Variants in MAP2K1 observed in about 807,000 individuals in gnomAD.
MAP2K1 encodes mitogen-activated protein kinase kinase 1.
In MAP2K1, 16 loss-of-function variants were observed where a neutral mutation model predicts 46.3. The ratio of observed to expected loss-of-function variants is 0.35; its 90% CI spans 0.23 to 0.52. The LOEUF is 0.52. MAP2K1 is among the 20% of genes least tolerant of loss of function. The pLI, the probability that MAP2K1 is intolerant of heterozygous loss-of-function variation, is 0.94. For synonymous variants in MAP2K1, 183 were observed against 185.6 expected (o/e 0.99, Z 0.11); for missense variants, 263 against 497.1 (o/e 0.53, Z 4.48).
At chr15:66,447,650 C>T (rs897775616) in intron 5 of MAP2K1, among the ~76,000 whole-genome samples, 2 of 144,902 alleles carry the variant, frequency 1.4e-5, no homozygotes, top group African/African-American at 5.2e-5. Flanking sequence ...GAGATCATGC[C>T]ATTGCACTCT....
At chr15:66,433,054 G>C (rs1220610951) in intron 1 of MAP2K1, among the ~76,000 whole-genome samples, 1 of 151,408 alleles carries the variant, frequency 6.6e-6, no homozygotes, top group Non-Finnish European at 1.5e-5. Context: ...CTGTCAGGCA[G>C]CTGTAACCTC....
chr15:66,438,678 C>G (rs571385044), intron 3 of MAP2K1, among the ~76,000 whole-genome samples: 5 of 152,252 alleles, frequency 3.3e-5, no homozygotes, highest in Admixed American at 2.0e-4. Flanking sequence ...GGATTTGGCT[C>G]TCTGGAAATA....
intron 1 of MAP2K1, 32 bp downstream of exon 1, chr15:66,387,459 C>T (rs1406615903): frequency 1.5e-5 from 23 of 1,547,408 alleles, no homozygotes; most frequent in Non-Finnish European, 1.9e-5. Flanking sequence ...AACCTCGGGG[C>T]CCGGCTGGGG....
chr15:66,396,279 G>A (rs763937987), intron 1 of MAP2K1, among the ~76,000 whole-genome samples: 30 of 151,524 alleles, frequency 2.0e-4, no homozygotes, highest in Non-Finnish European at 3.2e-4. Flanking sequence ...CACCGTGCCC[G>A]GCCCTTTTGT....
intron 1 of MAP2K1, among the ~76,000 whole-genome samples, chr15:66,431,785 G>C (rs1394629314): frequency 6.6e-6 from 1 of 152,182 alleles, no homozygotes; most frequent in Non-Finnish European, 1.5e-5. Context: ...TTTCTGCACA[G>C]ATCATCCCAT....
chr15:66,483,279 C>CAGCCA (rs1892956354), intron 6 of MAP2K1, among the ~76,000 whole-genome samples: 1 of 152,204 alleles, frequency 6.6e-6, no homozygotes, highest in Non-Finnish European at 1.5e-5. Context: ...ACATCACTCA[C>CAGCCA]CTGGCACTGA....
chr15:66,390,075 A>G (rs911429344), intron 1 of MAP2K1, among the ~76,000 whole-genome samples: 2 of 152,202 alleles, frequency 1.3e-5, no homozygotes, highest in African/African-American at 4.8e-5. Flanking sequence ...ATTTTCATTC[A>G]TGGTGGTAGA....
chr15:66,452,875 G>A (rs543399960), intron 5 of MAP2K1, among the ~76,000 whole-genome samples: 2 of 152,274 alleles, frequency 1.3e-5, no homozygotes, highest in East Asian at 1.9e-4. Flanking sequence ...TAGTTCTTAT[G>A]TTTGTCTCTC....
At chr15:66,414,438 A>G (rs898626332) in intron 1 of MAP2K1, among the ~76,000 whole-genome samples, 7 of 152,210 alleles carry the variant, frequency 4.6e-5, no homozygotes, top group Non-Finnish European at 1.0e-4. Flanking sequence ...AGGAGCAGCC[A>G]AAAGAAGAGG....
intron 3 of MAP2K1, among the ~76,000 whole-genome samples, chr15:66,439,766 CA>C (rs1222119158): frequency 8.3e-5 from 12 of 144,996 alleles, no homozygotes; most frequent in African/African-American, 1.5e-4. Flanking sequence ...AACTCAGTCT[CA>C]AAAAAAAAAA....
chr15:66,484,780 T>C (rs954984251), intron 6 of MAP2K1, among the ~76,000 whole-genome samples: 3 of 151,958 alleles, frequency 2.0e-5, no homozygotes, highest in Non-Finnish European at 4.4e-5. Flanking sequence ...ATAGGAGAAA[T>C]AGAGCAGGGA....
At chr15:66,487,067 C>G (rs1027619449) in intron 7 of MAP2K1, among the ~76,000 whole-genome samples, 161 bp from the exon 8 acceptor site, 1 of 152,148 alleles carries the variant, frequency 6.6e-6, no homozygotes, top group Non-Finnish European at 1.5e-5. Context: ...TGTACCCTGG[C>G]CTTTGCTGGT....
At chr15:66,428,842 C>T (rs377132833) in intron 1 of MAP2K1, among the ~76,000 whole-genome samples, 4 of 132,884 alleles carry the variant, frequency 3.0e-5, no homozygotes, top group Admixed American at 8.7e-5. Flanking sequence ...TGCAGTGACG[C>T]GATCTTGGCT....
At chr15:66,476,528 C>A (rs1251226276) in intron 5 of MAP2K1, among the ~76,000 whole-genome samples, 1 of 152,182 alleles carries the variant, frequency 6.6e-6, no homozygotes, top group Non-Finnish European at 1.5e-5. Context: ...AGGACCAGCA[C>A]AAGAGAAGGC....
At chr15:66,461,476 CTAAATAAATAAATAAATAAATAAA>C (rs10641341) in intron 5 of MAP2K1, among the ~76,000 whole-genome samples, 5 of 140,136 alleles carry the variant, frequency 3.6e-5, no homozygotes, top group African/African-American at 5.3e-5. Context: ...GACTCTGTCT[CTAAATAAATAAATAAATAAATAAA>C]TAAATAAATA....
At chr15:66,427,365 C>T (rs2093461852) in intron 1 of MAP2K1, among the ~76,000 whole-genome samples, 1 of 152,002 alleles carries the variant, frequency 6.6e-6, no homozygotes, top group Non-Finnish European at 1.5e-5. Context: ...CGAGACCATC[C>T]TGGCCAACAC....
Position 66,435,021 on chromosome 15 carries a change from G to C in MAP2K1, c.81-6G>C, listed in dbSNP as rs769256882. On this transcript the variant is annotated splice_polypyrimidine_tract_variant and splice_region_variant and intron_variant, in intron 1 of 10. Transcript: ENST00000307102. ...GTATTGACTTGTGCTCCCCACTTTG[G>C]AACAGGACCAACTTGGAGGCCTTGC... is the stretch of plus-strand genomic sequence containing the variant. 3 of 1,606,126 alleles carry C rather than the reference G, an allele frequency of 1.9e-6. No individual in the cohort carries two copies. The highest frequency in any genetic ancestry group is 2.6e-6 in the Non-Finnish European group (3 of 1,172,982).
At chr15:66,392,984 T>C (rs1457290821) in intron 1 of MAP2K1, among the ~76,000 whole-genome samples, 1 of 152,220 alleles carries the variant, frequency 6.6e-6, no homozygotes, top group Admixed American at 6.5e-5. Flanking sequence ...TTTATTTCTC[T>C]AGAATTAGAC....
chr15:66,428,121 A>G (rs1420219217), intron 1 of MAP2K1, among the ~76,000 whole-genome samples: 1 of 152,116 alleles, frequency 6.6e-6, no homozygotes, highest in Non-Finnish European at 1.5e-5. Flanking sequence ...ATTTTTATGT[A>G]TCATAAAAGC....
Sources: gnomAD v4.1 joint callset for allele counts (sites outside exome capture counted in the v4.1 genomes callset) on GRCh38, gnomAD v4.1.1 for gene constraint, MANE v1.5 for transcripts, NCBI Gene and HGNC (gene_info 2026-07-23, HGNC 2026-07-21) for gene names.